The following PHF21B variants were observed in gnomAD, a reference collection of about 807,000 sequenced individuals.
PHF21B encodes PHD finger protein 21B, also known as PHD finger protein 4.
PHF21B carries 22 observed loss-of-function variants against 62.2 expected under a neutral mutation model. That is an observed-to-expected ratio of 0.35 (90% CI 0.25 to 0.51). PHF21B has a LOEUF of 0.51. PHF21B is among the 20% of genes least tolerant of loss of function. PHF21B has a pLI of 0.97. For synonymous variants in PHF21B, 341 were observed against 314.7 expected (o/e 1.08, Z -0.88); for missense variants, 701 against 707.9 (o/e 0.99, Z 0.11).
intron 2 of PHF21B, among the ~76,000 whole-genome samples, chr22:44,928,409 A>T (rs537006817): frequency 1.8e-4 from 27 of 152,044 alleles, no homozygotes; most frequent in African/African-American, 4.3e-4. Flanking sequence ...CCTTCTTCCC[A>T]TGAAAGGAAC....
chr22:44,940,187 C>T (rs1017445946), intron 2 of PHF21B, among the ~76,000 whole-genome samples: 6 of 152,198 alleles, frequency 3.9e-5, no homozygotes, highest in African/African-American at 1.4e-4. Flanking sequence ...AGTTTTTCCG[C>T]ACCTCCTCTT....
intron 2 of PHF21B, among the ~76,000 whole-genome samples, chr22:44,955,552 A>G (rs921735990): frequency 6.6e-6 from 1 of 152,210 alleles, no homozygotes; most frequent in Non-Finnish European, 1.5e-5. Context: ...GAGGGCCCAG[A>G]TAGAACAAAA....
At chr22:44,990,562 G>C (rs1332936557) in intron 2 of PHF21B, among the ~76,000 whole-genome samples, 1 of 152,198 alleles carries the variant, frequency 6.6e-6, no homozygotes, top group East Asian at 1.9e-4. Flanking sequence ...AGTGAAAAAA[G>C]CCAGTGGCAA....
At chr22:44,938,775 G>T (rs2071898783) in intron 2 of PHF21B, among the ~76,000 whole-genome samples, 1 of 152,192 alleles carries the variant, frequency 6.6e-6, no homozygotes, top group African/African-American at 2.4e-5. Flanking sequence ...GGAGACCCAG[G>T]ACCAGGATCA....
chr22:44,962,156 A>G (rs1311604770), intron 2 of PHF21B, among the ~76,000 whole-genome samples: 2 of 152,192 alleles, frequency 1.3e-5, no homozygotes, highest in African/African-American at 4.8e-5. Context: ...GTCGAATGAT[A>G]GCTCTGTTTT....
chr22:44,941,496 G>A lies in PHF21B; in HGVS notation c.121-21006C>T, dbSNP rs2071955617. ...TTAATCTCCACTGCTTAGAGTAACA[G>A]CGGCGGAGGAGGTGGGTCACAAAGA... On this transcript the variant is annotated intron_variant, in intron 2 of 12. Coordinates refer to ENST00000313237, the MANE Select transcript of PHF21B (RefSeq NM_138415.5). Among the ~76,000 whole-genome samples the A allele has an allele frequency of 2.0e-5, 3 of 152,210 alleles. No homozygotes were observed. The South Asian group carries it at 6.2e-4, about 31-fold the overall frequency.
chr22:44,889,098 C>T (rs1260222467), intron 9 of PHF21B, among the ~76,000 whole-genome samples: 2 of 152,266 alleles, frequency 1.3e-5, no homozygotes, highest in Non-Finnish European at 2.9e-5. Context: ...CTGCAATCAT[C>T]ACCTACTGCT....
intron 2 of PHF21B, among the ~76,000 whole-genome samples, chr22:44,924,449 C>G (rs1416376718): frequency 6.6e-6 from 1 of 152,176 alleles, no homozygotes; most frequent in Non-Finnish European, 1.5e-5. Context: ...TCCTAACCCT[C>G]AATGTGATGG....
At chr22:44,921,019 G>C (rs1242607579) in intron 2 of PHF21B, among the ~76,000 whole-genome samples, 5 of 152,238 alleles carry the variant, frequency 3.3e-5, no homozygotes, top group Admixed American at 2.0e-4. Context: ...TTCTGTAGGA[G>C]AGTCTGAATA....
intron 8 of PHF21B, among the ~76,000 whole-genome samples, chr22:44,890,608 C>T (rs984049147): frequency 7.9e-5 from 12 of 152,230 alleles, no homozygotes; most frequent in Admixed American, 3.9e-4. Context: ...GCAAGCTGGT[C>T]GTCATTTCCT....
At chr22:44,920,550 C>A (rs886124944) in intron 2 of PHF21B, 60 bp from the exon 3 acceptor site, 3 of 1,361,776 alleles carry the variant, frequency 2.2e-6, no homozygotes, top group Non-Finnish European at 2.0e-6. Context: ...GAATCCGTTG[C>A]CCCCAGCCTG....
At chr22:44,957,330 T>C (rs954468868) in intron 2 of PHF21B, among the ~76,000 whole-genome samples, 4 of 152,184 alleles carry the variant, frequency 2.6e-5, no homozygotes, top group African/African-American at 9.6e-5. Context: ...ATCCTTTGCA[T>C]GAAAAACCCT....
chr22:45,007,918 G>A (rs958216337), intron 2 of PHF21B, among the ~76,000 whole-genome samples: 1 of 152,026 alleles, frequency 6.6e-6, no homozygotes, highest in Non-Finnish European at 1.5e-5. Context: ...GGAGGGGGGG[G>A]AGCGGTCGCG....
chr22:44,920,527 A>G, intron 2 of PHF21B, 37 bp from the exon 3 acceptor site: 3 of 1,538,340 alleles, frequency 2.0e-6, no homozygotes, highest in Non-Finnish European at 2.7e-6. Context: ...AGACAGGAGG[A>G]GCAGCTGAGA....
At chr22:44,969,937 T>C (rs1031399545) in intron 2 of PHF21B, among the ~76,000 whole-genome samples, 1 of 152,244 alleles carries the variant, frequency 6.6e-6, no homozygotes, top group African/African-American at 2.4e-5. Context: ...CGTTTTTCCA[T>C]GCGCTCTGGA....
At chr22:44,973,232 T>C (rs2072673243) in intron 2 of PHF21B, among the ~76,000 whole-genome samples, 1 of 152,182 alleles carries the variant, frequency 6.6e-6, no homozygotes, top group Admixed American at 6.5e-5. Context: ...GTCCCCTCCC[T>C]GTCCCTGGAC....
intron 6 of PHF21B, among the ~76,000 whole-genome samples, chr22:44,894,518 G>A (rs1005642527): frequency 6.6e-6 from 1 of 152,194 alleles, no homozygotes; most frequent in Non-Finnish European, 1.5e-5. Flanking sequence ...GTTTCGGTCA[G>A]AGATTAAATC....
intron 2 of PHF21B, among the ~76,000 whole-genome samples, chr22:44,984,200 CTACCACCAT>C (rs2072903169): frequency 8.0e-6 from 1 of 125,728 alleles, no homozygotes; most frequent in Admixed American, 7.9e-5. Flanking sequence ...ATCACCACCA[CTACCACCAT>C]CATCACCACC....
intron 10 of PHF21B, among the ~76,000 whole-genome samples, chr22:44,886,617 G>A (rs190963871): frequency 7.4e-4 from 112 of 152,026 alleles, no homozygotes; most frequent in Middle Eastern, 3.4e-3. Flanking sequence ...AGCCCCGAAG[G>A]TCAAGACTGC....
Sources: gnomAD v4.1 joint callset for allele counts (sites outside exome capture counted in the v4.1 genomes callset) on GRCh38, gnomAD v4.1.1 for gene constraint, MANE v1.5 for transcripts, NCBI Gene and HGNC (gene_info 2026-07-23, HGNC 2026-07-21) for gene names.